The following MBNL2 variants were observed in gnomAD, a reference collection of about 807,000 sequenced individuals.
The protein encoded by MBNL2 is muscleblind like splicing regulator 2.
Under a neutral mutation model 41.9 loss-of-function variants are expected in MBNL2, and 17 were observed. The observed-to-expected ratio is 0.41, with a 90% CI of 0.28 to 0.61. The LOEUF (loss-of-function observed/expected upper bound fraction) is 0.61. MBNL2 is among the 20% of genes least tolerant of loss of function. The probability of loss-of-function intolerance (pLI) is 0.35; values close to 1 mark genes in which losing one functional copy is unlikely to be tolerated. For synonymous variants in MBNL2, 195 were observed against 182.9 expected (o/e 1.07, Z -0.53); for missense variants, 336 against 505.6 (o/e 0.66, Z 3.22).
chr13:97,271,482 A>T (rs565344820), intron 1 of MBNL2, among the ~76,000 whole-genome samples: 1 of 152,044 alleles, frequency 6.6e-6, no homozygotes, highest in Non-Finnish European at 1.5e-5. Flanking sequence ...AAAAAAAAAC[A>T]GGATACATGT....
chr13:97,154,617 A>G, the MBNL2 span, among the ~76,000 whole-genome samples: 1 of 152,144 alleles, frequency 6.6e-6, no homozygotes, highest in African/African-American at 2.4e-5. Context: ...TTTTTTAAAC[A>G]TATGGATTAG....
At chr13:97,176,711 G>A in the MBNL2 span, among the ~76,000 whole-genome samples, 1 of 152,178 alleles carries the variant, frequency 6.6e-6, no homozygotes, top group Admixed American at 6.5e-5. Flanking sequence ...TTTCTCTTCA[G>A]TTAGAAATTT....
At chr13:97,167,795 A>G in the MBNL2 span, among the ~76,000 whole-genome samples, 1 of 152,196 alleles carries the variant, frequency 6.6e-6, no homozygotes, top group Non-Finnish European at 1.5e-5. Flanking sequence ...AAATGAGGTC[A>G]GGGGAATGAG....
intron 2 of MBNL2, among the ~76,000 whole-genome samples, chr13:97,285,161 G>C (rs1246973052): frequency 6.6e-6 from 1 of 152,096 alleles, no homozygotes; most frequent in African/African-American, 2.4e-5. Flanking sequence ...GACACAATAG[G>C]AAGCAAAGAT....
intron 2 of MBNL2, among the ~76,000 whole-genome samples, chr13:97,323,344 A>G (rs1034718266): frequency 1.3e-5 from 2 of 152,190 alleles, no homozygotes; most frequent in South Asian, 4.1e-4. Context: ...AGAACCCAAC[A>G]TTTACTAAAC....
the MBNL2 span, among the ~76,000 whole-genome samples, chr13:97,170,189 A>G: frequency 6.6e-6 from 1 of 152,226 alleles, no homozygotes; most frequent in South Asian, 2.1e-4. Flanking sequence ...GCTGAAAGAC[A>G]AGAATTATAT....
chr13:97,374,369 G>A (rs1293669310), intron 8 of MBNL2, among the ~76,000 whole-genome samples: 4 of 150,006 alleles, frequency 2.7e-5, no homozygotes, highest in Non-Finnish European at 5.9e-5. Context: ...GGATGGTCTC[G>A]ATCTCCTGAC....
At chr13:97,281,983 T>C (rs1384638707) in intron 2 of MBNL2, among the ~76,000 whole-genome samples, 1 of 152,046 alleles carries the variant, frequency 6.6e-6, no homozygotes, top group Non-Finnish European at 1.5e-5. Context: ...ATCACTGATG[T>C]GGTTAATTTC....
In MBNL2 at chr13:97,386,480, G is replaced by A. The variant is rs1258065747; in HGVS notation, c.1049-4842G>A. ...GCTGAGTGGCTGTTGCCACACCCTCGACCTGGCCTATTCACTTACATATCT... is the reference window on the plus strand; with the variant it reads ...GCTGAGTGGCTGTTGCCACACCCTCAACCTGGCCTATTCACTTACATATCT... On this transcript the variant is annotated intron_variant, in intron 8 of 8. Coordinates refer to ENST00000679496, the MANE Select transcript of MBNL2 (RefSeq NM_001382683.1). Among the ~76,000 whole-genome samples, 4 of 152,172 alleles carry A rather than the reference G, an allele frequency of 2.6e-5. No homozygotes were observed. The East Asian group carries it at 7.7e-4, about 29-fold the overall frequency.
chr13:97,201,538 A>T, the MBNL2 span, among the ~76,000 whole-genome samples: 31 of 152,308 alleles, frequency 2.0e-4, no homozygotes, highest in African/African-American at 6.5e-4. Context: ...TTTACTTATT[A>T]TTCCTTTTGG....
At chr13:97,264,185 G>A (rs2049260937) in intron 1 of MBNL2, among the ~76,000 whole-genome samples, 1 of 151,294 alleles carries the variant, frequency 6.6e-6, no homozygotes, top group African/African-American at 2.4e-5. Context: ...CCGCCACCAC[G>A]CCCAGCTAAT....
intron 3 of MBNL2, among the ~76,000 whole-genome samples, chr13:97,340,183 CAAT>C (rs996247201): frequency 6.6e-6 from 1 of 152,212 alleles, no homozygotes; most frequent in Non-Finnish European, 1.5e-5. Context: ...TTATTATCCA[CAAT>C]AATATTAACA....
the MBNL2 span, among the ~76,000 whole-genome samples, chr13:97,180,085 G>A: frequency 1.2e-4 from 18 of 152,198 alleles, no homozygotes; most frequent in African/African-American, 2.4e-4. Context: ...GGAAGATTAC[G>A]GTGGTAGAAT....
chr13:97,202,304 C>A, the MBNL2 span, among the ~76,000 whole-genome samples: 2 of 152,084 alleles, frequency 1.3e-5, no homozygotes, highest in Non-Finnish European at 2.9e-5. Flanking sequence ...TTTTCCATAA[C>A]GAAAAGTTAA....
At chr13:97,301,555 G>C (rs1436422322) in intron 2 of MBNL2, among the ~76,000 whole-genome samples, 1 of 152,176 alleles carries the variant, frequency 6.6e-6, no homozygotes, top group Non-Finnish European at 1.5e-5. Flanking sequence ...GTTGGTGGCA[G>C]GATGTCATTC....
chr13:97,336,189 C>A (rs2060866931), intron 3 of MBNL2, among the ~76,000 whole-genome samples: 1 of 152,096 alleles, frequency 6.6e-6, no homozygotes, highest in Admixed American at 6.5e-5. Flanking sequence ...TCATAATCAC[C>A]ATTTCTCTAT....
At chr13:97,233,928 T>C (rs1485859473) in intron 1 of MBNL2, among the ~76,000 whole-genome samples, 1 of 152,138 alleles carries the variant, frequency 6.6e-6, no homozygotes, top group East Asian at 1.9e-4. Context: ...CACAGGATTC[T>C]GACGGCCCCA....
chr13:97,207,578 A>C, the MBNL2 span, among the ~76,000 whole-genome samples: 1 of 152,148 alleles, frequency 6.6e-6, no homozygotes, highest in Non-Finnish European at 1.5e-5. Context: ...TGCCCCCATG[A>C]TTCAATTACC....
chr13:97,205,734 T>C, the MBNL2 span, among the ~76,000 whole-genome samples: 1 of 152,236 alleles, frequency 6.6e-6, no homozygotes, highest in Non-Finnish European at 1.5e-5. Flanking sequence ...ACTAAGATGA[T>C]TTAATAAAGC....
Sources: allele counts gnomAD v4.1 joint callset (sites outside exome capture counted in the v4.1 genomes callset), GRCh38; gene constraint gnomAD v4.1.1; transcripts MANE v1.5; gene names NCBI Gene and HGNC (gene_info 2026-07-23, HGNC 2026-07-21).